BASP1: variants seen among roughly 807,000 people sequenced by gnomAD.
BASP1 encodes brain acid soluble protein 1.
A neutral mutation model predicts 2.2 loss-of-function variants in BASP1; 1 was observed. The observed-to-expected ratio is 0.46, with a 90% CI of 0.16 to 2.17. The LOEUF is 2.17. BASP1 is among the 30% of genes most tolerant of loss of function. The pLI is 0.27. For synonymous variants in BASP1, 187 were observed against 154.2 expected (o/e 1.21, Z -1.58); for missense variants, 352 against 327.2 (o/e 1.08, Z -0.58).
At chr5:17,273,574 T>C (rs1740572577) in intron 1 of BASP1, among the ~76,000 whole-genome samples, 1 of 152,234 alleles carries the variant, frequency 6.6e-6, no homozygotes, top group South Asian at 2.1e-4. Flanking sequence ...GACTGAAGAA[T>C]TCATTTTCTT....
At chr5:17,234,039 T>C (rs1739688566) in intron 1 of BASP1, among the ~76,000 whole-genome samples, 1 of 152,044 alleles carries the variant, frequency 6.6e-6, no homozygotes, top group Non-Finnish European at 1.5e-5. Flanking sequence ...GCTGAGGCAG[T>C]AGAATTGCTT....
Position 17,276,005 on chromosome 5 carries a change from CCTA to C in BASP1, c.*106_*108del. On this transcript the variant is annotated 3_prime_UTR_variant, in exon 2 of 2. Transcript: ENST00000322611. The stretch of plus-strand genomic sequence containing the variant: ...TCTATCTCCTCTCTCTCTCTCCTCT[CCTA>C]TCTCTCCTCTCTCTCTCTCCTATAC... 1.0e-6 allele frequency: 1 copy of C among 967,592 alleles called. No homozygotes were observed. Among genetic ancestry groups the C allele is most frequent in the Non-Finnish European group, 1.4e-6 (1 of 693,424 alleles). 59.9% of individuals were successfully genotyped at this position (967,592 alleles called of 1,614,324 possible). A position where few individuals can be genotyped will look rare whatever the true frequency, so the allele number is the denominator to read the frequency against.
At chr5:17,237,221 G>A (rs1179547407) in intron 1 of BASP1, among the ~76,000 whole-genome samples, 4 of 152,146 alleles carry the variant, frequency 2.6e-5, no homozygotes, top group African/African-American at 9.7e-5. Flanking sequence ...GTGGGCGCCT[G>A]TAGTCCCAGC....
intron 1 of BASP1, among the ~76,000 whole-genome samples, chr5:17,245,250 T>G (rs1284011019): frequency 6.8e-6 from 1 of 147,766 alleles, no homozygotes; most frequent in African/African-American, 2.5e-5. Flanking sequence ...TGCCGTGAGC[T>G]GAGCTCACAC....
intron 1 of BASP1, among the ~76,000 whole-genome samples, chr5:17,265,938 C>G (rs1318716832): frequency 1.3e-5 from 2 of 152,176 alleles, no homozygotes; most frequent in African/African-American, 4.8e-5. Context: ...TTTGAGAACC[C>G]TTAGTCACTG....
chr5:17,244,754 C>A (rs776577019), intron 1 of BASP1, among the ~76,000 whole-genome samples: 3 of 146,134 alleles, frequency 2.1e-5, no homozygotes, highest in African/African-American at 7.6e-5. Context: ...TGCAGTGGTG[C>A]GATCTTGGCT....
rs1740435214 is a variant in BASP1 at position 17,267,468 on chromosome 5, T to A, written c.-9-7740T>A. Among the ~76,000 whole-genome samples, 3 of 152,202 alleles carry A rather than the reference T, an allele frequency of 2.0e-5. No individual in the cohort carries two copies. The South Asian group carries it at 6.2e-4, about 31-fold the overall frequency. On this transcript the variant is annotated intron_variant, in intron 1 of 1. Coordinates refer to ENST00000322611, the MANE Select transcript of BASP1 (RefSeq NM_006317.5). Reference sequence around the variant, plus strand: ...AAAATGTTAAAAAACATTCTGTGCTTTAATAAATATTTGGATGTCATTTTA... The same window carrying A: ...AAAATGTTAAAAAACATTCTGTGCTATAATAAATATTTGGATGTCATTTTA...
At position 17,275,917 on chromosome 5, in the gene BASP1, GA is replaced by G. The variant is rs763127192; in HGVS notation, c.*22del. ...AAAGAGTGACAAGGACAGCCTATAG[GA>G]AAAACAATACCACTTAAAACAATCT... On this transcript the variant is annotated 3_prime_UTR_variant, in exon 2 of 2. Coordinates refer to ENST00000322611, the MANE Select transcript of BASP1 (RefSeq NM_006317.5). This position sits in a 1 kb window ranked among gnomAD's most constrained non-coding sequence, Gnocchi z 5.3. 2.6e-6 allele frequency: 4 copies of G among 1,531,314 alleles called. No homozygotes were observed. The highest frequency in any genetic ancestry group is 1.2e-5 in the South Asian group (1 of 81,392). The allele number at this position is 1,531,314 out of a possible 1,614,324, so 94.9% of individuals were successfully genotyped here.
At chr5:17,239,183 T>C (rs904388757) in intron 1 of BASP1, among the ~76,000 whole-genome samples, 3 of 152,076 alleles carry the variant, frequency 2.0e-5, no homozygotes, top group Non-Finnish European at 2.9e-5. Flanking sequence ...AACCTCTGCC[T>C]CCCGGGTTCA....
rs534665899 is a variant in BASP1, at chr5:17,218,479, C to T, written c.-10+669C>T. On this transcript the variant is annotated intron_variant, in intron 1 of 1. Transcript: ENST00000322611. ...CCTCCCGAGCAGATCGGAGCCCCAG[C>T]CTCGTCAGTGGCGGAATTGCCTTCC... Among the ~76,000 whole-genome samples the T allele has an allele frequency of 3.3e-5, 5 of 152,318 alleles. No homozygotes were observed. The South Asian group carries it at 1.0e-3, about 32-fold the overall frequency.
At chr5:17,229,418 G>T (rs1739576646) in intron 1 of BASP1, among the ~76,000 whole-genome samples, 1 of 152,202 alleles carries the variant, frequency 6.6e-6, no homozygotes, top group African/African-American at 2.4e-5. Flanking sequence ...AAAGCCCTTG[G>T]TTTCTGCTCC....
chr5:17,256,441 A>G (rs1740211842), intron 1 of BASP1, among the ~76,000 whole-genome samples: 1 of 152,160 alleles, frequency 6.6e-6, no homozygotes, highest in South Asian at 2.1e-4. Context: ...CAGTGCCTGG[A>G]TGTTTGTGTC....
chr5:17,234,246 G>C (rs2126495065), intron 1 of BASP1, among the ~76,000 whole-genome samples: 1 of 152,296 alleles, frequency 6.6e-6, no homozygotes, highest in East Asian at 1.9e-4. Context: ...GGAAATGTCT[G>C]TGTGTATCTC....
At chr5:17,250,797 G>A (rs1396817531) in intron 1 of BASP1, among the ~76,000 whole-genome samples, 4 of 152,074 alleles carry the variant, frequency 2.6e-5, no homozygotes, top group African/African-American at 9.7e-5. Flanking sequence ...GTAGAGATGG[G>A]GTTTCACTGC....
At chr5:17,261,369 T>C (rs970328642) in intron 1 of BASP1, among the ~76,000 whole-genome samples, 13 of 152,318 alleles carry the variant, frequency 8.5e-5, no homozygotes, top group African/African-American at 2.2e-4. Context: ...GAAATGTCTG[T>C]CCCTTTCCCA....
chr5:17,274,361 CT>C (rs1740585842), intron 1 of BASP1, among the ~76,000 whole-genome samples: 1 of 152,136 alleles, frequency 6.6e-6, no homozygotes, highest in African/African-American at 2.4e-5. Flanking sequence ...TCCTGTTTAC[CT>C]TACGTGTTTG....
At position 17,275,848 on chromosome 5, in the gene BASP1, C is replaced by T. The variant is rs574232137; in HGVS notation, c.632C>T (p.Pro211Leu). 16 of 1,606,170 alleles carry T rather than the reference C, an allele frequency of 1.0e-5. No individual in the cohort carries two copies. The African/African-American group carries it at 1.3e-4, about 13-fold the overall frequency. Residue 211 changes from proline (P) to leucine (L), a missense_variant, in exon 2 of 2, where the codon CCG (proline) becomes CTG (leucine). Physicochemically the swap from Pro to Leu is moderately conservative, Grantham distance 98. Coordinates refer to ENST00000322611, the MANE Select transcript of BASP1 (RefSeq NM_006317.5). This position sits in a 1 kb window ranked among gnomAD's most constrained non-coding sequence, Gnocchi z 5.3. ...GCAGCCTCTGCAGAAGAGCCCAAGC[C>T]GGTGGAGGCCCCGGCAGCTAATTCC... ...GPAASAEEPKPVEAPAANSDQ... is the reference protein window; with the variant it reads ...GPAASAEEPKLVEAPAANSDQ...
At chr5:17,267,492 T>C (rs1740437151) in intron 1 of BASP1, among the ~76,000 whole-genome samples, 1 of 152,096 alleles carries the variant, frequency 6.6e-6, no homozygotes, top group Non-Finnish European at 1.5e-5. Context: ...GATGTCATTT[T>C]ACAATTTTTG....
chr5:17,230,758 G>T (rs1043109353), intron 1 of BASP1, among the ~76,000 whole-genome samples: 5 of 151,906 alleles, frequency 3.3e-5, no homozygotes, highest in African/African-American at 9.7e-5. Context: ...AGGGGAGATG[G>T]GGTTTCGTCA....
Sources: gnomAD v4.1 joint callset for allele counts (sites outside exome capture counted in the v4.1 genomes callset) on GRCh38, gnomAD v4.1.1 for gene constraint, Gnocchi (gnomAD v3.1) non-coding constraint, MANE v1.5 for transcripts, NCBI Gene and HGNC (gene_info 2026-07-23, HGNC 2026-07-21) for gene names.